The following HORMAD2 variants were observed in gnomAD, a reference collection of about 807,000 sequenced individuals.
HORMAD2 encodes HORMA domain containing 2, also known as HORMA domain-containing protein 2.
Under a neutral mutation model 38.8 loss-of-function variants are expected in HORMAD2, and 45 were observed. That is an observed-to-expected ratio of 1.16 (90% CI 0.91 to 1.49). HORMAD2 has a LOEUF of 1.49. Among genes scored for constraint, HORMAD2 ranks in the 40% most tolerant of loss-of-function variants. The probability of loss-of-function intolerance (pLI) is 0.00; values close to 1 mark genes in which losing one functional copy is unlikely to be tolerated. For missense variants in HORMAD2, 338 were observed against 367.0 expected, an observed-to-expected ratio of 0.92 and a Z score of 0.65; for synonymous variants, 126 against 122.8, an observed-to-expected ratio of 1.03 and a Z score of -0.17.
chr22:30,096,543 CTG>C (rs1334208577), intron 2 of HORMAD2, among the ~76,000 whole-genome samples: 1 of 151,712 alleles, frequency 6.6e-6, no homozygotes, highest in Non-Finnish European at 1.5e-5. Context: ...CCTTGGCTCA[CTG>C]TGATCTCTGC....
At chr22:30,170,458 C>T (rs558726201) in intron 10 of HORMAD2, among the ~76,000 whole-genome samples, 7 of 152,102 alleles carry the variant, frequency 4.6e-5, no homozygotes, top group Middle Eastern at 3.2e-3. Flanking sequence ...ACTTGGAGAC[C>T]ACTTGGTAAA....
At position 30,126,728 on chromosome 22, in the gene HORMAD2, G is replaced by C. The variant is rs138356300; in HGVS notation, c.819+4514G>C. 1.1e-3 allele frequency among the ~76,000 whole-genome samples: 162 copies of C among 152,258 alleles called. 1 individual carries two copies. Among genetic ancestry groups the C allele is most frequent in the Non-Finnish European group, 1.8e-4 (12 of 68,010 alleles). ...AGGAGTAGAATTGCTGGGTCAAAGGGTATGTGTATATTTAGTTTTAACAGA... is the reference window on the plus strand; with the variant it reads ...AGGAGTAGAATTGCTGGGTCAAAGGCTATGTGTATATTTAGTTTTAACAGA... On this transcript the variant is annotated intron_variant, in intron 10 of 10. Transcript: ENST00000336726.
intron 10 of HORMAD2, among the ~76,000 whole-genome samples, chr22:30,170,678 C>T (rs1926056277): frequency 6.6e-6 from 1 of 152,164 alleles, no homozygotes; most frequent in Admixed American, 6.5e-5. Flanking sequence ...CCTGCTCCCA[C>T]CACCATTTCC....
At chr22:30,092,580 C>T (rs1052618746) in intron 1 of HORMAD2, among the ~76,000 whole-genome samples, 1 of 151,998 alleles carries the variant, frequency 6.6e-6, no homozygotes, top group African/African-American at 2.4e-5. Context: ...AATCTTTACC[C>T]AGACCAATGT....
At chr22:30,123,227 T>C (rs1336234382) in intron 10 of HORMAD2, among the ~76,000 whole-genome samples, 1 of 152,228 alleles carries the variant, frequency 6.6e-6, no homozygotes, top group African/African-American at 2.4e-5. Flanking sequence ...CTTTGGATTT[T>C]GGTGCAATTT....
intron 10 of HORMAD2, among the ~76,000 whole-genome samples, chr22:30,158,931 C>T (rs1283755009): frequency 6.6e-6 from 1 of 152,074 alleles, no homozygotes; most frequent in East Asian, 1.9e-4. Flanking sequence ...GCAATCTGCA[C>T]ACCTCGGCCT....
chr22:30,169,507 A>G (rs1357296312), intron 10 of HORMAD2, among the ~76,000 whole-genome samples: 2 of 152,238 alleles, frequency 1.3e-5, no homozygotes, highest in East Asian at 3.8e-4. Context: ...TTACCTCCTA[A>G]GTAGAGATAG....
At position 30,122,146 on chromosome 22, in the gene HORMAD2, G is replaced by A. The variant is rs374552122; in HGVS notation, c.751G>A (p.Glu251Lys). 1 of 1,613,504 alleles carries A rather than the reference G, an allele frequency of 6.2e-7. No individual in the cohort carries two copies. Among genetic ancestry groups the A allele is most frequent in the Non-Finnish European group, 8.5e-7 (1 of 1,179,704 alleles). The part of the protein sequence containing the change: ...VIDLENNLFR[E>K]NSTTEIAHQG... ...TGATTTGGAGAACAATCTGTTTCGG[G>A]AGAACAGCACTACTGAGATCGCCCA... is the stretch of plus-strand genomic sequence containing the variant. Residue 251 changes from glutamate to lysine, a missense_variant, in exon 10 of 11, where the codon GAG becomes AAG. Physicochemically the swap from Glu to Lys is moderately conservative, Grantham distance 56. Transcript: ENST00000336726.
chr22:30,155,452 C>T (rs1925011129), intron 10 of HORMAD2, among the ~76,000 whole-genome samples: 1 of 152,106 alleles, frequency 6.6e-6, no homozygotes, highest in African/African-American at 2.4e-5. Context: ...CAAGTTGGCT[C>T]TTGTATTCTT....
chr22:30,090,294 G>A (rs1409728939), intron 1 of HORMAD2, among the ~76,000 whole-genome samples: 1 of 152,050 alleles, frequency 6.6e-6, no homozygotes, highest in Admixed American at 6.6e-5. Context: ...GCCTGGGAGC[G>A]GGAGGTTGCA....
At chr22:30,123,858 C>T (rs902559246) in intron 10 of HORMAD2, among the ~76,000 whole-genome samples, 3 of 151,282 alleles carry the variant, frequency 2.0e-5, no homozygotes, top group African/African-American at 7.3e-5. Context: ...TTTTTAGAGA[C>T]AGGGTCTCCC....
the HORMAD2 span, among the ~76,000 whole-genome samples, chr22:30,197,250 T>A: frequency 6.6e-6 from 1 of 152,026 alleles, no homozygotes; most frequent in South Asian, 2.1e-4. Context: ...GTTTTTTTTT[T>A]AATCACAGAG....
chr22:30,178,305 C>T (rs947523881), downstream of HORMAD2, among the ~76,000 whole-genome samples: 5 of 152,166 alleles, frequency 3.3e-5, no homozygotes, highest in Admixed American at 6.6e-5. Flanking sequence ...TTTATTATCT[C>T]TATTAACACC....
At chr22:30,179,347 C>A (rs959383413), downstream of HORMAD2, among the ~76,000 whole-genome samples, 4 of 152,034 alleles carry the variant, frequency 2.6e-5, no homozygotes, top group African/African-American at 9.7e-5. Flanking sequence ...CCCCTTTAGA[C>A]ATTTTTAGTT....
intron 2 of HORMAD2, among the ~76,000 whole-genome samples, chr22:30,094,476 G>T (rs1471306414): frequency 6.6e-6 from 1 of 152,058 alleles, no homozygotes; most frequent in Non-Finnish European, 1.5e-5. Context: ...TGCATCCTTT[G>T]TTTATTCATT....
chr22:30,103,372 C>A, intron 3 of HORMAD2, 65 bp from the exon 4 acceptor site: 1 of 866,904 alleles, frequency 1.2e-6, no homozygotes, highest in Non-Finnish European at 1.9e-6. Flanking sequence ...CCCTATTTAG[C>A]ATGGACAATT....
At chr22:30,183,684 G>A in the HORMAD2 span, among the ~76,000 whole-genome samples, 1 of 152,110 alleles carries the variant, frequency 6.6e-6, no homozygotes, top group Middle Eastern at 3.2e-3. Flanking sequence ...CAGAACAATC[G>A]GCTTCCAGTG....
intron 10 of HORMAD2, among the ~76,000 whole-genome samples, chr22:30,155,376 ATC>A (rs1925006247): frequency 1.3e-5 from 2 of 152,114 alleles, no homozygotes; most frequent in African/African-American, 4.8e-5. Flanking sequence ...TCTTTATTTT[ATC>A]TGTTACTATC....
chr22:30,192,848 G>T, the HORMAD2 span, among the ~76,000 whole-genome samples: 181 of 152,242 alleles, frequency 1.2e-3, 1 homozygote, highest in Middle Eastern at 0.01. Context: ...AGAGGTGATG[G>T]ATCAATGGCA....
Sources: gnomAD v4.1 joint callset for allele counts (sites outside exome capture counted in the v4.1 genomes callset) on GRCh38, gnomAD v4.1.1 for gene constraint, MANE v1.5 for transcripts, NCBI Gene and HGNC (gene_info 2026-07-23, HGNC 2026-07-21) for gene names.